Variants in GBP3 observed in about 807,000 individuals in gnomAD.
The protein encoded by GBP3 is guanylate binding protein 3, also known as guanylate-binding protein 3.
A neutral mutation model predicts 62.4 loss-of-function variants in GBP3; 55 were observed. That is an observed-to-expected ratio of 0.88 (90% CI 0.71 to 1.10). The LOEUF (loss-of-function observed/expected upper bound fraction) is 1.10. GBP3 is among the 50% of genes least tolerant of loss of function. The pLI is 0.00. For missense variants in GBP3, 605 were observed against 690.6 expected (o/e 0.88, Z 1.39); for synonymous variants, 208 against 259.2 (o/e 0.80, Z 1.90).
chr1:89,014,285 T>C lies in GBP3; in HGVS notation c.429-6A>G. 6.2e-7 allele frequency: 1 copy of C among 1,614,068 alleles called. No individual in the cohort carries two copies. Among genetic ancestry groups the C allele is most frequent in the Non-Finnish European group, 8.5e-7 (1 of 1,179,934 alleles). ...GTGTCAGCTCTGTCACATAGCTGAG[T>C]AGCTAACTAAGGAAATGTGACAAAA... On this transcript the variant is annotated splice_polypyrimidine_tract_variant and splice_region_variant and intron_variant, in intron 4 of 10. Transcript: ENST00000370481.
rs561580021 is a variant in GBP3 at position 89,007,556 on chromosome 1, A to G, written c.*168T>C. 32 of 680,998 alleles carry G rather than the reference A, an allele frequency of 4.7e-5. No homozygotes were observed. Among genetic ancestry groups the G allele is most frequent in the East Asian group, 4.5e-4 (17 of 37,852 alleles). The allele number at this position is 680,998 out of a possible 1,614,324, so 42.2% of individuals were successfully genotyped here. A position where few individuals can be genotyped will look rare whatever the true frequency, so the allele number is the denominator to read the frequency against. ...ATGCATCTTTGTTGCACAATTTACA[A>G]TCTTTTTAAGGAAAAAACATGATTT... On this transcript the variant is annotated 3_prime_UTR_variant, in exon 11 of 11. Transcript: ENST00000370481.
chr1:89,009,396 A>G lies in GBP3; in HGVS notation c.1461T>C (p.Ile487=). 2 of 1,613,860 alleles carry G rather than the reference A, an allele frequency of 1.2e-6. No individual in the cohort carries two copies. The highest frequency in any genetic ancestry group is 1.7e-6 in the Non-Finnish European group (2 of 1,179,750). ...DQILTEKEKE[I]EVECVKAESA... ...ATCCTTTGACTTGCTCCTCACCTTC[A>G]ATCTCCTTTTCCTTTTCTGTGAGAA... Residue 487 remains isoleucine (I), a synonymous_variant, in exon 9 of 11, where the codon ATT becomes ATC. Coordinates refer to ENST00000370481, the MANE Select transcript of GBP3 (RefSeq NM_018284.3).
intron 1 of GBP3, among the ~76,000 whole-genome samples, chr1:89,021,788 TGAGAGAGAGA>T (rs146229731): frequency 2.1e-3 from 139 of 65,360 alleles, no homozygotes; most frequent in African/African-American, 4.9e-3. Context: ...GCTGGAAAGA[TGAGAGAGAGA>T]GAGAGAGAGA....
At chr1:89,018,052 C>T (rs940147221) in intron 2 of GBP3, among the ~76,000 whole-genome samples, 7 of 150,512 alleles carry the variant, frequency 4.7e-5, no homozygotes, top group Non-Finnish European at 8.8e-5. Context: ...GCACTCCAGC[C>T]TGGGTGACAG....
At chr1:89,014,419 C>T (rs1557728705) in intron 4 of GBP3, 128 bp downstream of exon 4, 1 of 1,595,512 alleles carries the variant, frequency 6.3e-7, no homozygotes, top group Non-Finnish European at 8.5e-7. Context: ...GATCTCTCCT[C>T]TGTACTTGCA....
intron 3 of GBP3, 21 bp from the exon 4 acceptor site, chr1:89,014,677 G>A: frequency 6.2e-7 from 1 of 1,613,824 alleles, no homozygotes. Context: ...AGACACACTG[G>A]AGTCAGGAGC....
intron 1 of GBP3, 83 bp from the exon 2 acceptor site, chr1:89,020,826 CA>C (rs1679148767): frequency 2.4e-6 from 3 of 1,268,132 alleles, no homozygotes; most frequent in Non-Finnish European, 2.2e-6. Flanking sequence ...CCAGGATGGC[CA>C]AAAGTTTTGT....
intron 2 of GBP3, 109 bp from the exon 3 acceptor site, chr1:89,015,523 C>T: frequency 1.0e-6 from 1 of 979,732 alleles, no homozygotes; most frequent in South Asian, 2.0e-5. Context: ...TAACCAAAAC[C>T]ACAATCAGTA....
rs1217069086 is a variant in GBP3 at position 89,006,938 on chromosome 1, T to C, written c.*786A>G. The C allele has an allele frequency of 2.0e-5, 3 of 152,224 alleles. No homozygotes were observed. The highest frequency in any genetic ancestry group is 7.2e-5 in the African/African-American group (3 of 41,468). The allele number at this position is 152,224 out of a possible 1,614,324, so 9.4% of individuals were successfully genotyped here. A position where few individuals can be genotyped will look rare whatever the true frequency, so the allele number is the denominator to read the frequency against. On this transcript the variant is annotated 3_prime_UTR_variant, in exon 11 of 11. Coordinates refer to ENST00000370481, the MANE Select transcript of GBP3 (RefSeq NM_018284.3). The stretch of plus-strand genomic sequence containing the variant: ...ATGCTTTAGGATTAAAACAATCAAA[T>C]AATTAAATTAGTTCAATTTTCTAAC...
chr1:89,010,521 T>C (rs1409140323), intron 8 of GBP3, among the ~76,000 whole-genome samples: 1 of 138,712 alleles, frequency 7.2e-6, no homozygotes, highest in African/African-American at 2.5e-5. Context: ...CAAGCAATTC[T>C]CCTGCCTCAG....
Position 89,007,837 on chromosome 1 carries a change from G to A in GBP3, c.1675C>T (p.Leu559=). ...CTTTCACCTTGGCATCTCTCCTTTA[G>A]TACTCGGGCCTGTTCCTAAAAAGGG... ...TSKLQEQARV[L]KERCQGESTQ... is the part of the protein sequence containing the mutation. Residue 559 remains leucine, a synonymous_variant, in exon 11 of 11, where the codon CTA becomes TTA. Transcript: ENST00000370481. 1 of 1,613,122 alleles carries A rather than the reference G, an allele frequency of 6.2e-7. No homozygotes were observed. Among genetic ancestry groups the A allele is most frequent in the Non-Finnish European group, 8.5e-7 (1 of 1,179,628 alleles).
chr1:89,008,835 C>A, intron 10 of GBP3, 112 bp downstream of exon 10: 1 of 1,537,348 alleles, frequency 6.5e-7, no homozygotes, highest in Admixed American at 2.0e-5. Flanking sequence ...TACAAGTGAG[C>A]AAGCAAAATC....
intron 2 of GBP3, 102 bp from the exon 3 acceptor site, chr1:89,015,516 C>A (rs1678838978): frequency 2.7e-6 from 3 of 1,091,784 alleles, no homozygotes; most frequent in South Asian, 1.9e-5. Flanking sequence ...AGAGAGATAA[C>A]CAAAACCACA....
At chr1:89,017,987 G>A (rs10922539) in intron 2 of GBP3, among the ~76,000 whole-genome samples, 96,275 of 151,738 alleles carry the variant, frequency 0.63, 32,873 homozygotes, top group Non-Finnish European at 0.78. Flanking sequence ...GCTGAGGTAG[G>A]AGAATCGCTT....
At chr1:89,015,783 G>GA (rs1174675556) in intron 2 of GBP3, among the ~76,000 whole-genome samples, 1 of 132,094 alleles carries the variant, frequency 7.6e-6, no homozygotes, top group Non-Finnish European at 1.6e-5. Context: ...TAGAGAAACA[G>GA]AAAAAAATTA....
chr1:89,021,544 A>ACACACACACCCACCCCCC (rs761151308), intron 1 of GBP3, among the ~76,000 whole-genome samples: 1 of 140,948 alleles, frequency 7.1e-6, no homozygotes, highest in Non-Finnish European at 1.6e-5. Context: ...ACACACACAC[A>ACACACACACCCACCCCCC]CCCCAAAAAA....
chr1:89,008,926 C>G (rs1678388910), intron 10 of GBP3, 21 bp downstream of exon 10: 1 of 1,613,936 alleles, frequency 6.2e-7, no homozygotes, highest in East Asian at 2.2e-5. Context: ...AAACGAACCA[C>G]AAGGTGATGC....
chr1:89,015,215 G>GA, intron 3 of GBP3, 72 bp downstream of exon 3: 2 of 1,438,782 alleles, frequency 1.4e-6, no homozygotes, highest in South Asian at 1.5e-5. Flanking sequence ...TCTTCTTTAA[G>GA]AAAAAACTAA....
chr1:89,009,724 A>T (rs1035140073), intron 8 of GBP3, among the ~76,000 whole-genome samples: 1 of 152,280 alleles, frequency 6.6e-6, no homozygotes, highest in Admixed American at 6.5e-5. Flanking sequence ...GGGAAATAAG[A>T]TTCCCTGTCC....
Sources: allele counts gnomAD v4.1 joint callset (sites outside exome capture counted in the v4.1 genomes callset), GRCh38; gene constraint gnomAD v4.1.1; transcripts MANE v1.5; gene names NCBI Gene and HGNC (gene_info 2026-07-23, HGNC 2026-07-21).